The following COXFA4L3 variants were observed in gnomAD, a reference collection of about 807,000 sequenced individuals.
COXFA4L3 encodes the protein MIR147B host.
chr15:45,431,610 T>A, the COXFA4L3 span, among the ~76,000 whole-genome samples: 1 of 152,256 alleles, frequency 6.6e-6, no homozygotes, highest in East Asian at 1.9e-4. Flanking sequence ...TCCTGGAATA[T>A]GAGGAAAAGA....
Sources: gnomAD v4.1 joint callset for allele counts (sites outside exome capture counted in the v4.1 genomes callset) on GRCh38, gnomAD v4.1.1 for gene constraint, MANE v1.5 for transcripts, NCBI Gene and HGNC (gene_info 2026-07-23, HGNC 2026-07-21) for gene names.